Variants in ZNF385D observed in about 807,000 individuals in gnomAD.
ZNF385D encodes zinc finger protein 385D, also known as zinc finger protein 659.
A neutral mutation model predicts 35.8 loss-of-function variants in ZNF385D; 15 were observed. That is an observed-to-expected ratio of 0.42 (90% CI 0.28 to 0.64). The LOEUF (loss-of-function observed/expected upper bound fraction) is 0.64, where lower values mean the gene tolerates loss of function less well. Ranked by LOEUF, ZNF385D falls within the 30% of genes least tolerant of loss-of-function variation. The pLI is 0.23. For missense variants in ZNF385D, 474 were observed against 494.6 expected, an observed-to-expected ratio of 0.96 and a Z score of 0.39; for synonymous variants, 212 against 186.8, an observed-to-expected ratio of 1.13 and a Z score of -1.10.
chr3:21,848,664 C>A (rs1417234500), intron 3 of ZNF385D, among the ~76,000 whole-genome samples: 1 of 151,896 alleles, frequency 6.6e-6, no homozygotes, highest in Non-Finnish European at 1.5e-5. Context: ...TAGGAACTTA[C>A]AACCTACCAA....
chr3:22,140,685 T>A (rs1704451173), intron 3 of ZNF385D, among the ~76,000 whole-genome samples: 1 of 152,208 alleles, frequency 6.6e-6, no homozygotes, highest in Non-Finnish European at 1.5e-5. Context: ...CTCCCTGTAT[T>A]ATTTTTTGAA....
intron 3 of ZNF385D, among the ~76,000 whole-genome samples, chr3:22,047,664 T>C (rs1259697268): frequency 6.6e-6 from 1 of 152,168 alleles, no homozygotes; most frequent in Non-Finnish European, 1.5e-5. Context: ...ATATGTAGGT[T>C]GATTTCGTAT....
chr3:22,210,737 C>G (rs183460550), intron 2 of ZNF385D, among the ~76,000 whole-genome samples: 2 of 151,946 alleles, frequency 1.3e-5, no homozygotes, highest in Non-Finnish European at 2.9e-5. Context: ...AACCATTTCC[C>G]TCTACACCAT....
At chr3:21,560,738 C>T (rs1028314638) in intron 3 of ZNF385D, among the ~76,000 whole-genome samples, 10 of 152,256 alleles carry the variant, frequency 6.6e-5, no homozygotes, top group Non-Finnish European at 1.2e-4. Context: ...GCTGAAGCTG[C>T]GCCTATAGCT....
chr3:21,852,552 C>A (rs7627928), intron 3 of ZNF385D, among the ~76,000 whole-genome samples: 1 of 151,822 alleles, frequency 6.6e-6, no homozygotes, highest in East Asian at 1.9e-4. Context: ...TAGGGAATTA[C>A]TTTATCAAAA....
intron 5 of ZNF385D, among the ~76,000 whole-genome samples, chr3:21,432,697 T>C (rs1001892346): frequency 6.6e-6 from 1 of 151,980 alleles, no homozygotes; most frequent in African/African-American, 2.4e-5. Flanking sequence ...CAAATCTCTT[T>C]AAAAGACTAT....
intron 3 of ZNF385D, among the ~76,000 whole-genome samples, chr3:22,044,491 G>T (rs1698864008): frequency 6.6e-6 from 1 of 152,036 alleles, no homozygotes; most frequent in Non-Finnish European, 1.5e-5. Flanking sequence ...ACAGGCTGAA[G>T]CACTTTAAGT....
chr3:21,541,732 C>T (rs531623656), intron 3 of ZNF385D, among the ~76,000 whole-genome samples: 14 of 152,188 alleles, frequency 9.2e-5, no homozygotes, highest in African/African-American at 2.9e-4. Context: ...TCTTGATAAA[C>T]AGGAACTAGG....
At chr3:21,854,407 G>A (rs546010782) in intron 3 of ZNF385D, among the ~76,000 whole-genome samples, 2 of 152,022 alleles carry the variant, frequency 1.3e-5, no homozygotes, top group South Asian at 4.2e-4. Flanking sequence ...AATATTCTAT[G>A]CAGATGGAGA....
In ZNF385D at chr3:22,311,798, T is replaced by C. The variant is rs1431268625; in HGVS notation, c.106+60652A>G. ...TTCAAAAACGCAGATGAAGCTACAATAAATTGAGCCAATTTTTACTATTAT... is the reference window on the plus strand; with the variant it reads ...TTCAAAAACGCAGATGAAGCTACAACAAATTGAGCCAATTTTTACTATTAT... On this transcript the variant is annotated intron_variant, in intron 2 of 5. Coordinates refer to the ZNF385D transcript ENST00000494108. Among the ~76,000 whole-genome samples the C allele has an allele frequency of 2.0e-5, 3 of 152,102 alleles. No homozygotes were observed. In the East Asian group the frequency reaches 5.8e-4, roughly 29 times the overall value.
intron 3 of ZNF385D, among the ~76,000 whole-genome samples, chr3:21,999,300 T>C (rs1209720347): frequency 6.6e-6 from 1 of 152,150 alleles, no homozygotes; most frequent in Non-Finnish European, 1.5e-5. Flanking sequence ...TGCACCTATC[T>C]GAAAGGATAC....
chr3:21,614,407 C>A (rs2064779204), intron 2 of ZNF385D, among the ~76,000 whole-genome samples: 1 of 152,164 alleles, frequency 6.6e-6, no homozygotes, highest in Admixed American at 6.5e-5. Flanking sequence ...TTTTTAGAGG[C>A]CTTATTTTAA....
intron 3 of ZNF385D, among the ~76,000 whole-genome samples, chr3:21,536,818 C>T (rs796630993): frequency 3.9e-5 from 6 of 152,042 alleles, no homozygotes; most frequent in African/African-American, 1.4e-4. Context: ...CCAGAGTAAG[C>T]ATCAAGAGAT....
At chr3:21,647,478 CT>C in intron 2 of ZNF385D, among the ~76,000 whole-genome samples, 1 of 151,794 alleles carries the variant, frequency 6.6e-6, no homozygotes. Flanking sequence ...TGTCTCCTTC[CT>C]TCCATTTACA....
At chr3:21,943,779 T>C (rs1253067587) in intron 3 of ZNF385D, among the ~76,000 whole-genome samples, 3 of 152,158 alleles carry the variant, frequency 2.0e-5, no homozygotes, top group East Asian at 3.8e-4. Flanking sequence ...ACATGAACAG[T>C]AATTTAGTCC....
chr3:21,616,859 G>A (rs1575328537), intron 2 of ZNF385D, among the ~76,000 whole-genome samples: 1 of 152,122 alleles, frequency 6.6e-6, no homozygotes, highest in Admixed American at 6.5e-5. Context: ...TGTTATAAAA[G>A]GAAATGTGTG....
chr3:21,574,302 G>A (rs1001898119), intron 2 of ZNF385D, among the ~76,000 whole-genome samples: 3 of 151,980 alleles, frequency 2.0e-5, no homozygotes, highest in African/African-American at 4.8e-5. Flanking sequence ...AAGTCTCTAC[G>A]TGAATAAAGT....
chr3:21,737,466 T>TATATAC (rs139213948), intron 1 of ZNF385D, among the ~76,000 whole-genome samples: 21 of 149,182 alleles, frequency 1.4e-4, no homozygotes, highest in Admixed American at 3.4e-4. Flanking sequence ...GGGATATATA[T>TATATAC]ACACACACAC....
chr3:21,682,220 T>TCTCTCTCTCTCTCTCTCCCAAC lies in ZNF385D; in HGVS notation c.23-17193_23-17192insGTTGGGAGAGAGAGAGAGAGAG, dbSNP rs1169457941. Among the ~76,000 whole-genome samples, 106 of 133,398 alleles carry TCTCTCTCTCTCTCTCTCCCAAC rather than the reference T, an allele frequency of 7.9e-4. 1 individual carries two copies. Among genetic ancestry groups the TCTCTCTCTCTCTCTCTCCCAAC allele is most frequent in the Middle Eastern group, 3.9e-3 (1 of 258 alleles). 87.5% of individuals were successfully genotyped at this position (133,398 alleles called of 152,430 possible). On this transcript the variant is annotated intron_variant, in intron 1 of 7. Coordinates refer to ENST00000281523, the MANE Select transcript of ZNF385D (RefSeq NM_024697.3). ...AGGTTGGTTTGTTTTTAGTTTAGCT[T>TCTCTCTCTCTCTCTCTCCCAAC]TGTCCTTTTAAGTTAGAAGCCAGAA...
Sources: gnomAD v4.1 joint callset for allele counts (sites outside exome capture counted in the v4.1 genomes callset) on GRCh38, gnomAD v4.1.1 for gene constraint, MANE v1.5 for transcripts, NCBI Gene and HGNC (gene_info 2026-07-23, HGNC 2026-07-21) for gene names.